FMN2: variants seen among roughly 807,000 people sequenced by gnomAD.
The protein encoded by FMN2 is formin 2.
In FMN2, 51 loss-of-function variants were observed where a neutral mutation model predicts 142.3. The ratio of observed to expected loss-of-function variants is 0.36; its 90% CI spans 0.29 to 0.45. The LOEUF (loss-of-function observed/expected upper bound fraction) is 0.45. Among genes scored for constraint, FMN2 ranks in the 20% least tolerant of loss-of-function variants. The probability of loss-of-function intolerance (pLI) is 1.00; values close to 1 mark genes in which losing one functional copy is unlikely to be tolerated. For synonymous variants in FMN2, 882 were observed against 869.8 expected, an observed-to-expected ratio of 1.01 and a Z score of -0.25; for missense variants, 1,936 against 2,122.8, an observed-to-expected ratio of 0.91 and a Z score of 1.73.
chr1:240,429,771 A>G (rs1368262133), intron 15 of FMN2, among the ~76,000 whole-genome samples: 2 of 151,886 alleles, frequency 1.3e-5, no homozygotes, highest in African/African-American at 2.4e-5. Flanking sequence ...GTAGCATTTC[A>G]TCATATTTAT....
chr1:240,098,226 A>G (rs60069752), intron 1 of FMN2, among the ~76,000 whole-genome samples: 11,012 of 150,488 alleles, frequency 0.073, 888 homozygotes, highest in African/African-American at 0.2. Flanking sequence ...CTCAGCTTCC[A>G]GAGTAGCTGG....
chr1:240,339,556 C>T (rs1251464500), intron 13 of FMN2, among the ~76,000 whole-genome samples: 4 of 151,798 alleles, frequency 2.6e-5, no homozygotes, highest in Non-Finnish European at 5.9e-5. Context: ...GTAAAATATA[C>T]ATACAAAATT....
At chr1:240,177,741 GA>G (rs3835306) in intron 2 of FMN2, 179 bp from the exon 3 acceptor site, 2 of 442,172 alleles carry the variant, frequency 4.5e-6, no homozygotes, top group South Asian at 9.2e-5. Context: ...ATGACTGCGT[GA>G]AAAAAATGTG....
intron 15 of FMN2, among the ~76,000 whole-genome samples, chr1:240,394,343 A>G (rs989778887): frequency 2.0e-5 from 3 of 152,196 alleles, no homozygotes; most frequent in African/African-American, 7.2e-5. Context: ...GCCTGTTTCA[A>G]TTCCCTTAAA....
chr1:240,223,043 G>C (rs755143222), intron 6 of FMN2, among the ~76,000 whole-genome samples: 1 of 152,154 alleles, frequency 6.6e-6, no homozygotes, highest in Non-Finnish European at 1.5e-5. Flanking sequence ...TGGTGAGAGA[G>C]GGCATCCTTG....
intron 8 of FMN2, among the ~76,000 whole-genome samples, chr1:240,303,143 T>C (rs2102975882): frequency 6.6e-6 from 1 of 152,298 alleles, no homozygotes; most frequent in Admixed American, 6.5e-5. Context: ...CTCTCCTGCC[T>C]CAGATGATCT....
chr1:240,129,463 A>G (rs1285130519), intron 2 of FMN2, among the ~76,000 whole-genome samples: 2 of 150,272 alleles, frequency 1.3e-5, no homozygotes, highest in African/African-American at 4.9e-5. Context: ...CAAAATTTAT[A>G]TAAGCTATGT....
intron 13 of FMN2, among the ~76,000 whole-genome samples, chr1:240,334,847 A>C (rs1671508100): frequency 6.6e-6 from 1 of 152,116 alleles, no homozygotes; most frequent in African/African-American, 2.4e-5. Context: ...TGATATTCTT[A>C]TTGAGTTGCG....
chr1:240,327,146 A>G (rs538903733), intron 8 of FMN2, among the ~76,000 whole-genome samples: 4 of 152,204 alleles, frequency 2.6e-5, no homozygotes, highest in Non-Finnish European at 5.9e-5. Context: ...AAATTCTAGA[A>G]GAAGAGTTTT....
At chr1:240,363,846 A>T (rs1457409133) in intron 14 of FMN2, among the ~76,000 whole-genome samples, 1 of 151,756 alleles carries the variant, frequency 6.6e-6, no homozygotes, top group Non-Finnish European at 1.5e-5. Context: ...TTCCTGCCTG[A>T]TGGCTCAGGT....
intron 2 of FMN2, among the ~76,000 whole-genome samples, chr1:240,141,638 G>A (rs1663188883): frequency 6.6e-6 from 1 of 152,160 alleles, no homozygotes; most frequent in Non-Finnish European, 1.5e-5. Context: ...CCGAAGTGCT[G>A]GGATTACAGG....
In FMN2 at chr1:240,206,942, G is replaced by T; in HGVS notation, c.2130G>T (p.Gly710=). The T allele has an allele frequency of 6.2e-7, 1 of 1,614,168 alleles. No individual in the cohort carries two copies. The highest frequency in any genetic ancestry group is 1.7e-5 in the Admixed American group (1 of 60,026). The change falls in exon 5 of 18, where the codon GGG becomes GGT. Residue 710 remains glycine (G), a synonymous_variant. Transcript: ENST00000319653. ...LDTEVASGHQ[G]LENGVTASGD... is the part of the protein sequence containing the mutation. ...CAGAGGTGGCCAGTGGTCATCAAGG[G>T]CTTGAGAATGGAGTGACAGCCTCAG...
At chr1:240,142,655 C>G (rs1043770111) in intron 2 of FMN2, 1 of 1,601,586 alleles carries the variant, frequency 6.2e-7, no homozygotes, top group Non-Finnish European at 8.5e-7. Flanking sequence ...GTTCAGAGCC[C>G]CTGGTGGTCA....
intron 15 of FMN2, among the ~76,000 whole-genome samples, chr1:240,403,201 A>G (rs548232382): frequency 6.6e-6 from 1 of 152,344 alleles, no homozygotes; most frequent in South Asian, 2.1e-4. Context: ...CAAACAAAGT[A>G]ATGTGTATGA....
At chr1:240,437,416 C>A (rs1675426100) in intron 15 of FMN2, among the ~76,000 whole-genome samples, 1 of 151,792 alleles carries the variant, frequency 6.6e-6, no homozygotes. Context: ...GCCTCTCAGC[C>A]TCCCAAGTAG....
chr1:240,218,574 A>ATT lies in FMN2; in HGVS notation c.4065+7339_4065+7340insTT, dbSNP rs1287912932. On this transcript the variant is annotated intron_variant, in intron 6 of 17. Coordinates refer to ENST00000319653, the MANE Select transcript of FMN2 (RefSeq NM_020066.5). ...CCCATCTCATCTCTAAAAAAAAAAAAATTTTATTTCTATCTGGAGCAGATG... is the reference window on the plus strand; with the variant it reads ...CCCATCTCATCTCTAAAAAAAAAAAATTATTTTATTTCTATCTGGAGCAGATG... Among the ~76,000 whole-genome samples the ATT allele has an allele frequency of 2.7e-3, 408 of 151,280 alleles. 3 individuals are homozygous for ATT. The South Asian group carries it at 0.027, about 10-fold the overall frequency.
chr1:240,307,019 C>A (rs12063008), intron 8 of FMN2, among the ~76,000 whole-genome samples: 1 of 152,082 alleles, frequency 6.6e-6, no homozygotes, highest in Non-Finnish European at 1.5e-5. Flanking sequence ...AGTACTTTTT[C>A]TTAAGTTTAG....
At chr1:240,410,456 A>C (rs2103124395) in intron 15 of FMN2, among the ~76,000 whole-genome samples, 1 of 152,334 alleles carries the variant, frequency 6.6e-6, no homozygotes, top group African/African-American at 2.4e-5. Flanking sequence ...TAGGATTATA[A>C]GGTTCTGCTA....
At chr1:240,227,680 A>G (rs980770849) in intron 6 of FMN2, among the ~76,000 whole-genome samples, 12 of 152,194 alleles carry the variant, frequency 7.9e-5, no homozygotes, top group Admixed American at 6.5e-5. Flanking sequence ...CAATGGTACT[A>G]AGACATTTCA....
Sources: allele counts gnomAD v4.1 joint callset (sites outside exome capture counted in the v4.1 genomes callset), GRCh38; gene constraint gnomAD v4.1.1; transcripts MANE v1.5; gene names NCBI Gene and HGNC (gene_info 2026-07-23, HGNC 2026-07-21).